KCNC1: variants seen among roughly 807,000 people sequenced by gnomAD.
The protein encoded by KCNC1 is potassium voltage-gated channel subfamily C member 1, also known as voltage-gated potassium channel KCNC1.
Under a neutral mutation model 43.4 loss-of-function variants are expected in KCNC1, and 8 were observed. The observed-to-expected ratio is 0.18, with a 90% CI of 0.11 to 0.33. The LOEUF (loss-of-function observed/expected upper bound fraction) is 0.33. KCNC1 is among the 10% of genes least tolerant of loss of function. The pLI is 1.00. For missense variants in KCNC1, 420 were observed against 836.0 expected (o/e 0.50, Z 6.14); for synonymous variants, 361 against 360.5 (o/e 1.00, Z -0.01).
At chr11:17,766,473 C>T (rs1016041956) in intron 1 of KCNC1, among the ~76,000 whole-genome samples, 1 of 152,122 alleles carries the variant, frequency 6.6e-6, no homozygotes, top group Non-Finnish European at 1.5e-5. Flanking sequence ...TGCCTGTGAC[C>T]CTACAGCCCC....
At chr11:17,745,094 A>G (rs1230971547) in intron 1 of KCNC1, among the ~76,000 whole-genome samples, 1 of 152,056 alleles carries the variant, frequency 6.6e-6, no homozygotes, top group African/African-American at 2.4e-5. Context: ...CAGAATCTGC[A>G]TTTTCACTCC....
intron 1 of KCNC1, among the ~76,000 whole-genome samples, chr11:17,758,230 C>T (rs1849042382): frequency 6.6e-6 from 1 of 152,264 alleles, no homozygotes; most frequent in Non-Finnish European, 1.5e-5. Flanking sequence ...AACTCCTCAT[C>T]TGTTCAAGTT....
intron 1 of KCNC1, among the ~76,000 whole-genome samples, chr11:17,756,172 A>G (rs918085352): frequency 2.0e-5 from 3 of 152,152 alleles, no homozygotes; most frequent in African/African-American, 7.2e-5. Flanking sequence ...ATTCTTATCC[A>G]TCCTTCCAAC....
In KCNC1 at chr11:17,750,392, T is replaced by A. The variant is rs115494699; in HGVS notation, c.570+13820T>A. Among the ~76,000 whole-genome samples, 144 of 152,262 alleles carry A rather than the reference T, an allele frequency of 9.5e-4. 1 individual carries two copies. The highest frequency in any genetic ancestry group is 3.3e-3 in the African/African-American group (137 of 41,548). On this transcript the variant is annotated intron_variant, in intron 1 of 3. Coordinates refer to ENST00000265969, the MANE Select transcript of KCNC1 (RefSeq NM_001112741.2). Reference sequence around the variant, plus strand: ...AGGAGCCACCATCACCAATGATATATTTAGAGTCACAAAGGTCAGAAATAC... The same window carrying A: ...AGGAGCCACCATCACCAATGATATAATTAGAGTCACAAAGGTCAGAAATAC...
chr11:17,773,251 A>G lies in KCNC1; in HGVS notation c.1504+653A>G, dbSNP rs1849251330. The G allele has an allele frequency of 1.0e-6, 1 of 985,578 alleles. No homozygotes were observed. The highest frequency in any genetic ancestry group is 1.2e-6 in the Non-Finnish European group (1 of 830,090). 61.1% of individuals were successfully genotyped at this position (985,578 alleles called of 1,614,324 possible). A position where few individuals can be genotyped will look rare whatever the true frequency, so the allele number is the denominator to read the frequency against. Reference sequence around the variant, plus strand: ...GCTTACTTACCCCATAGCATGCTGAACCAACTCATCTTCTACCACCACTCT... The same window carrying G: ...GCTTACTTACCCCATAGCATGCTGAGCCAACTCATCTTCTACCACCACTCT... On this transcript the variant is annotated intron_variant, in intron 2 of 3. Coordinates refer to ENST00000265969, the MANE Select transcript of KCNC1 (RefSeq NM_001112741.2). The surrounding 1 kb of genome is among the most constrained non-coding windows in gnomAD (Gnocchi z 4.1).
intron 1 of KCNC1, among the ~76,000 whole-genome samples, chr11:17,761,881 C>T (rs1849082043): frequency 6.6e-6 from 1 of 152,208 alleles, no homozygotes. Context: ...CCCCAGCACT[C>T]TCCCTCCCCT....
chr11:17,769,580 G>C (rs964489615), intron 1 of KCNC1, among the ~76,000 whole-genome samples: 2 of 152,038 alleles, frequency 1.3e-5, no homozygotes, highest in African/African-American at 2.4e-5. Context: ...GGTGGCTTTC[G>C]CCTGTAATCC....
rs1849360085 is a variant in KCNC1, at chr11:17,782,664, G to T, written c.*930G>T. 6.6e-6 allele frequency: 1 copy of T among 152,198 alleles called. No homozygotes were observed. The highest frequency in any genetic ancestry group is 1.5e-5 in the Non-Finnish European group (1 of 68,046). The allele number at this position is 152,198 out of a possible 1,614,324, so 9.4% of individuals were successfully genotyped here. A position where few individuals can be genotyped will look rare whatever the true frequency, so the allele number is the denominator to read the frequency against. On this transcript the variant is annotated 3_prime_UTR_variant, in exon 4 of 4. Transcript: ENST00000265969. Reference sequence around the variant, plus strand: ...GCATTGTATGCAATTTAGTACTTCAGAGTAAAAACCTGCATGCCCAATGTT... The same window carrying T: ...GCATTGTATGCAATTTAGTACTTCATAGTAAAAACCTGCATGCCCAATGTT...
chr11:17,735,874 C>A lies in KCNC1; in HGVS notation c.-129C>A. The A allele has an allele frequency of 9.1e-7, 1 of 1,095,974 alleles. No individual in the cohort carries two copies. The highest frequency in any genetic ancestry group is 1.2e-6 in the Non-Finnish European group (1 of 818,242). 67.9% of individuals were successfully genotyped at this position (1,095,974 alleles called of 1,614,324 possible). ...TCGTTGGGGTGGCCAGAGCCGCAGG[C>A]CTCTGTTCCCCCCGACGGCTGGGGG... On this transcript the variant is annotated 5_prime_UTR_variant, in exon 1 of 4. Transcript: ENST00000265969. The surrounding 1 kb of genome is among the most constrained non-coding windows in gnomAD (Gnocchi z 6.7).
At chr11:17,763,591 C>A (rs1424918307) in intron 1 of KCNC1, among the ~76,000 whole-genome samples, 4 of 135,610 alleles carry the variant, frequency 2.9e-5, no homozygotes, top group African/African-American at 8.8e-5. Context: ...CACACACAGA[C>A]CCCCACACAC....
chr11:17,744,086 G>A (rs1848872072), intron 1 of KCNC1, among the ~76,000 whole-genome samples: 1 of 152,204 alleles, frequency 6.6e-6, no homozygotes, highest in Non-Finnish European at 1.5e-5. Flanking sequence ...CTGGATTAGA[G>A]AGGAATCTAG....
intron 3 of KCNC1, chr11:17,780,551 G>T (rs570264735): frequency 6.6e-6 from 1 of 152,344 alleles, no homozygotes; most frequent in African/African-American, 2.4e-5. Context: ...TGGGCAGCTC[G>T]TGCATGTCTT....
In KCNC1 at chr11:17,777,177, G is replaced by C. The variant is rs1849296869; in HGVS notation, c.1505-2279G>C. 4.1e-6 allele frequency: 4 copies of C among 985,582 alleles called. No individual in the cohort carries two copies. Among genetic ancestry groups the C allele is most frequent in the Non-Finnish European group, 4.8e-6 (4 of 829,934 alleles). 61.1% of individuals were successfully genotyped at this position (985,582 alleles called of 1,614,324 possible). ...GGCTTGTGGACAGAACCAGTGGGCGGGGGCCCAGCATTCAGAGCCAGAGAA... is the reference window on the plus strand; with the variant it reads ...GGCTTGTGGACAGAACCAGTGGGCGCGGGCCCAGCATTCAGAGCCAGAGAA... On this transcript the variant is annotated intron_variant, in intron 2 of 3. Coordinates refer to ENST00000265969, the MANE Select transcript of KCNC1 (RefSeq NM_001112741.2). This position sits in a 1 kb window ranked among gnomAD's most constrained non-coding sequence, Gnocchi z 4.3.
Position 17,736,708 on chromosome 11 carries a change from G to GT in KCNC1, c.570+137dup. 2 of 1,368,552 alleles carry GT rather than the reference G, an allele frequency of 1.5e-6. No individual in the cohort carries two copies. Among genetic ancestry groups the GT allele is most frequent in the South Asian group, 1.6e-5 (1 of 64,422 alleles). The allele number at this position is 1,368,552 out of a possible 1,614,324, so 84.8% of individuals were successfully genotyped here. On this transcript the variant is annotated intron_variant, in intron 1 of 3. Coordinates refer to ENST00000265969, the MANE Select transcript of KCNC1 (RefSeq NM_001112741.2). This position sits in a 1 kb window ranked among gnomAD's most constrained non-coding sequence, Gnocchi z 9.3. ...AGGGGGTGTGTGCGCATGTGTGCACGTACCAGGGTAAGAGAGGAAGGGTGT... is the reference window on the plus strand; with the variant it reads ...AGGGGGTGTGTGCGCATGTGTGCACGTTACCAGGGTAAGAGAGGAAGGGTGT...
chr11:17,775,562 G>A (rs1388501992), intron 2 of KCNC1: 24 of 985,424 alleles, frequency 2.4e-5, no homozygotes, highest in Non-Finnish European at 2.7e-5. Flanking sequence ...CCCAGGAGAA[G>A]CTACTTCTCT....
At chr11:17,774,558 C>T (rs1590107723) in intron 2 of KCNC1, 1 of 985,676 alleles carries the variant, frequency 1.0e-6, no homozygotes, top group Non-Finnish European at 1.2e-6. Flanking sequence ...TTCAGACATG[C>T]ACACCAGCTA....
At position 17,777,083 on chromosome 11, in the gene KCNC1, C is replaced by A; in HGVS notation, c.1505-2373C>A. ...ATCCCTGATGGATGTTCCTTGTCCC[C>A]TGCCCAAAACCATCCCGAACTTTGG... On this transcript the variant is annotated intron_variant, in intron 2 of 3. Coordinates refer to ENST00000265969, the MANE Select transcript of KCNC1 (RefSeq NM_001112741.2). This position sits in a 1 kb window ranked among gnomAD's most constrained non-coding sequence, Gnocchi z 4.3. 1.0e-6 allele frequency: 1 copy of A among 985,262 alleles called. No individual in the cohort carries two copies. The highest frequency in any genetic ancestry group is 1.2e-6 in the Non-Finnish European group (1 of 829,906). 61.0% of individuals were successfully genotyped at this position (985,262 alleles called of 1,614,324 possible). A position where few individuals can be genotyped will look rare whatever the true frequency, so the allele number is the denominator to read the frequency against.
chr11:17,767,291 A>C (rs1278586220), intron 1 of KCNC1, among the ~76,000 whole-genome samples: 1 of 151,002 alleles, frequency 6.6e-6, no homozygotes, highest in Non-Finnish European at 1.5e-5. Context: ...TCTCAAAAAA[A>C]AAAAAAAAAG....
intron 1 of KCNC1, among the ~76,000 whole-genome samples, chr11:17,749,958 G>A (rs545666313): frequency 6.6e-6 from 1 of 152,366 alleles, no homozygotes; most frequent in South Asian, 2.1e-4. Flanking sequence ...TGAGTGCCAT[G>A]TGCAGGAAGA....
Sources: allele counts gnomAD v4.1 joint callset (sites outside exome capture counted in the v4.1 genomes callset), GRCh38; gene constraint gnomAD v4.1.1; non-coding constraint Gnocchi (gnomAD v3.1); transcripts MANE v1.5; gene names NCBI Gene and HGNC (gene_info 2026-07-23, HGNC 2026-07-21).